ARHGAP26: variants seen among roughly 807,000 people sequenced by gnomAD.
The protein encoded by ARHGAP26 is Rho GTPase activating protein 26, also known as rho GTPase-activating protein 26.
A neutral mutation model predicts 104.8 loss-of-function variants in ARHGAP26; 38 were observed. That is an observed-to-expected ratio of 0.36 (90% CI 0.28 to 0.48). ARHGAP26 has a LOEUF of 0.48. Ranked by LOEUF, ARHGAP26 falls within the 20% of genes least tolerant of loss-of-function variation. The pLI is 0.99. For synonymous variants in ARHGAP26, 341 were observed against 340.0 expected (o/e 1.00, Z -0.03); for missense variants, 704 against 947.9 (o/e 0.74, Z 3.38).
intron 20 of ARHGAP26, among the ~76,000 whole-genome samples, chr5:143,163,537 G>A (rs1801530861): frequency 6.6e-6 from 1 of 151,828 alleles, no homozygotes; most frequent in African/African-American, 2.4e-5. Flanking sequence ...TGCAACCTTT[G>A]CCTCCTGGGT....
chr5:142,964,901 C>T (rs559512953), intron 11 of ARHGAP26, among the ~76,000 whole-genome samples: 10 of 152,228 alleles, frequency 6.6e-5, no homozygotes, highest in South Asian at 6.2e-4. Context: ...ACCACCAATG[C>T]GCGGAGACCA....
intron 22 of ARHGAP26, among the ~76,000 whole-genome samples, chr5:143,217,475 G>T (rs955042854): frequency 1.3e-4 from 20 of 152,326 alleles, no homozygotes; most frequent in African/African-American, 4.8e-4. Context: ...GAAGCAGCAT[G>T]ATTCGTGATA....
intron 11 of ARHGAP26, among the ~76,000 whole-genome samples, chr5:142,977,080 G>A (rs1773203672): frequency 1.3e-5 from 2 of 152,174 alleles, no homozygotes; most frequent in Non-Finnish European, 2.9e-5. Context: ...GGTTAGCTCC[G>A]CCCAACCACA....
intron 3 of ARHGAP26, among the ~76,000 whole-genome samples, chr5:142,875,514 T>C (rs1755960836): frequency 6.6e-6 from 1 of 152,142 alleles, no homozygotes; most frequent in Non-Finnish European, 1.5e-5. Context: ...TGCCCCACTC[T>C]GCCCCTCCCC....
intron 11 of ARHGAP26, among the ~76,000 whole-genome samples, chr5:142,996,737 G>A (rs973784965): frequency 6.6e-6 from 1 of 152,174 alleles, no homozygotes; most frequent in African/African-American, 2.4e-5. Context: ...GTTAGAAATG[G>A]AGGTCTGCTC....
At chr5:143,081,017 G>A (rs1020706040) in intron 17 of ARHGAP26, among the ~76,000 whole-genome samples, 1 of 151,840 alleles carries the variant, frequency 6.6e-6, no homozygotes, top group Non-Finnish European at 1.5e-5. Flanking sequence ...GTGTAGGGAA[G>A]GGGGATAAAG....
chr5:142,783,249 T>C (rs184139202), intron 1 of ARHGAP26, among the ~76,000 whole-genome samples: 4 of 152,334 alleles, frequency 2.6e-5, no homozygotes, highest in South Asian at 4.1e-4. Flanking sequence ...TTCTAGCAGC[T>C]TGAGAACATG....
chr5:143,048,205 T>C (rs566689989), intron 14 of ARHGAP26, among the ~76,000 whole-genome samples: 43 of 152,296 alleles, frequency 2.8e-4, no homozygotes, highest in African/African-American at 8.2e-4. Flanking sequence ...ATATTTTCAA[T>C]ATGTTTTGTA....
intron 11 of ARHGAP26, among the ~76,000 whole-genome samples, chr5:142,947,578 A>T (rs1035944297): frequency 6.6e-6 from 1 of 152,144 alleles, no homozygotes; most frequent in African/African-American, 2.4e-5. Flanking sequence ...TAACCTTAAA[A>T]TTTTTGTTAG....
At chr5:143,131,944 T>G (rs1247318386) in intron 18 of ARHGAP26, among the ~76,000 whole-genome samples, 3 of 152,212 alleles carry the variant, frequency 2.0e-5, no homozygotes, top group Admixed American at 6.5e-5. Flanking sequence ...AGAGGCTCAG[T>G]AAGAGACTAG....
chr5:142,940,780 A>G (rs1373726856), intron 11 of ARHGAP26, among the ~76,000 whole-genome samples: 1 of 152,056 alleles, frequency 6.6e-6, no homozygotes, highest in Non-Finnish European at 1.5e-5. Context: ...ATATGTCTTT[A>G]TGGTTAAAGA....
chr5:142,776,806 A>G (rs1252979063), intron 1 of ARHGAP26, among the ~76,000 whole-genome samples: 1 of 152,168 alleles, frequency 6.6e-6, no homozygotes, highest in African/African-American at 2.4e-5. Context: ...TTTAAGTTTA[A>G]TTTAAACTTG....
At chr5:142,956,818 A>G (rs1020220985) in intron 11 of ARHGAP26, among the ~76,000 whole-genome samples, 1 of 152,180 alleles carries the variant, frequency 6.6e-6, no homozygotes, top group Non-Finnish European at 1.5e-5. Context: ...CACTTCTTAC[A>G]TGGTGGTGGC....
chr5:143,085,224 T>C, intron 17 of ARHGAP26, among the ~76,000 whole-genome samples: 1 of 152,046 alleles, frequency 6.6e-6, no homozygotes, highest in East Asian at 1.9e-4. Flanking sequence ...ATCACATCAT[T>C]TGTCCCACTC....
intron 4 of ARHGAP26, among the ~76,000 whole-genome samples, chr5:142,884,163 T>G (rs140320627): frequency 0.012 from 1,810 of 152,324 alleles, 29 homozygotes; most frequent in African/African-American, 0.041. Flanking sequence ...CTTCCTTGCC[T>G]GCTCTCCCCG....
At chr5:143,197,609 C>T (rs529168383) in intron 20 of ARHGAP26, among the ~76,000 whole-genome samples, 1 of 152,166 alleles carries the variant, frequency 6.6e-6, no homozygotes, top group Non-Finnish European at 1.5e-5. Flanking sequence ...TGGTTATAAA[C>T]CCTTTGTTCA....
intron 17 of ARHGAP26, among the ~76,000 whole-genome samples, chr5:143,076,406 C>T (rs1313723841): frequency 6.6e-6 from 1 of 152,064 alleles, no homozygotes; most frequent in East Asian, 1.9e-4. Flanking sequence ...TCCCTCTTCT[C>T]CCTTTTTTTA....
chr5:143,163,465 T>TTTGTTTG (rs1562533553), intron 20 of ARHGAP26, among the ~76,000 whole-genome samples: 9 of 135,628 alleles, frequency 6.6e-5, no homozygotes, highest in African/African-American at 1.8e-4. Flanking sequence ...TTGTTTGTTT[T>TTTGTTTG]TTTAAGATGG....
intron 17 of ARHGAP26, 176 bp downstream of exon 17, chr5:143,057,923 C>T (rs544933709): frequency 4.2e-6 from 3 of 712,732 alleles, no homozygotes; most frequent in Non-Finnish European, 7.8e-6. Flanking sequence ...GCAGCAAATG[C>T]CAGATGGCCT....
Sources: gnomAD v4.1 joint callset for allele counts (sites outside exome capture counted in the v4.1 genomes callset) on GRCh38, gnomAD v4.1.1 for gene constraint, MANE v1.5 for transcripts, NCBI Gene and HGNC (gene_info 2026-07-23, HGNC 2026-07-21) for gene names.